Variants in USP7 observed in about 807,000 individuals in gnomAD.
The protein encoded by USP7 is ubiquitin C-terminal hydrolase 7.
USP7 carries 9 observed loss-of-function variants against 162.9 expected under a neutral mutation model. The observed-to-expected ratio is 0.06, with a 90% CI of 0.03 to 0.10. The LOEUF (loss-of-function observed/expected upper bound fraction) is 0.10. Among genes scored for constraint, USP7 ranks in the 10% least tolerant of loss-of-function variants. The pLI is 1.00. For missense variants in USP7, 715 were observed against 1,373.7 expected, an observed-to-expected ratio of 0.52 and a Z score of 7.58; for synonymous variants, 562 against 475.9, an observed-to-expected ratio of 1.18 and a Z score of -2.35.
chr16:8,947,550 G>A (rs940968868), intron 1 of USP7, among the ~76,000 whole-genome samples: 1 of 152,166 alleles, frequency 6.6e-6, no homozygotes, highest in South Asian at 2.1e-4. Flanking sequence ...GTTTCACCAT[G>A]TTGCCCAGGC....
intron 1 of USP7, chr16:8,936,680 A>G: frequency 1.3e-6 from 2 of 1,522,756 alleles, no homozygotes; most frequent in Non-Finnish European, 1.8e-6. Context: ...CATCAGAGTG[A>G]CTGCATAGAA....
intron 2 of USP7, 39 bp downstream of exon 2, chr16:8,930,254 T>C: frequency 2.6e-6 from 4 of 1,528,566 alleles, no homozygotes; most frequent in Non-Finnish European, 3.6e-6. Flanking sequence ...TTCTGACAAG[T>C]TTCCGCCCAC....
Position 8,915,361 on chromosome 16 carries a change from TAA to T in USP7, c.988-19_988-18del. On this transcript the variant is annotated intron_variant, in intron 9 of 30. Transcript: ENST00000344836. The stretch of plus-strand genomic sequence containing the variant: ...GATATAGGACTGCAAATAAGGAAAG[TAA>T]AAGTGGTTTAACTAGTAATAGTCAA... 6.2e-7 allele frequency: 1 copy of T among 1,613,152 alleles called. No individual in the cohort carries two copies.
chr16:8,942,690 G>A (rs1438420065), intron 1 of USP7, among the ~76,000 whole-genome samples: 1 of 152,108 alleles, frequency 6.6e-6, no homozygotes, highest in Admixed American at 6.6e-5. Flanking sequence ...TGGGACTACA[G>A]GCGCACACCA....
intron 20 of USP7, 168 bp from the exon 21 acceptor site, chr16:8,900,798 A>T: frequency 2.8e-6 from 2 of 718,704 alleles, no homozygotes; most frequent in East Asian, 5.5e-5. Context: ...AATATGTAAC[A>T]ATCAGATTTG....
chr16:8,948,229 T>A (rs961799680), intron 1 of USP7, among the ~76,000 whole-genome samples: 2 of 152,200 alleles, frequency 1.3e-5, no homozygotes, highest in African/African-American at 2.4e-5. Flanking sequence ...CAGCCCAGGC[T>A]GGAGAATGAG....
At chr16:8,898,807 C>G in intron 23 of USP7, 168 bp from the exon 24 acceptor site, 1 of 626,948 alleles carries the variant, frequency 1.6e-6, no homozygotes. Flanking sequence ...AAGTCCCACT[C>G]GCTGTCACAC....
At chr16:8,936,794 G>A in intron 1 of USP7, 1 of 1,279,572 alleles carries the variant, frequency 7.8e-7, no homozygotes, top group Non-Finnish European at 1.0e-6. Context: ...ATTTAGATAA[G>A]GCAGTCCAGG....
intron 10 of USP7, among the ~76,000 whole-genome samples, chr16:8,911,398 T>G (rs554831104): frequency 1.3e-5 from 2 of 152,096 alleles, no homozygotes; most frequent in Admixed American, 6.5e-5. Context: ...AAATTAAGAA[T>G]GGTAACATTA....
intron 27 of USP7, 21 bp from the exon 28 acceptor site, chr16:8,895,171 C>CA: frequency 6.2e-7 from 1 of 1,614,158 alleles, no homozygotes; most frequent in Admixed American, 1.7e-5. Flanking sequence ...GGACAACAGA[C>CA]ACAGTTCTGT....
rs531196126 is a variant in USP7, at chr16:8,960,781, A to G, written c.79+2426T>C. On this transcript the variant is annotated intron_variant, in intron 1 of 30. Coordinates refer to ENST00000344836, the MANE Select transcript of USP7 (RefSeq NM_003470.3). ...CTCACTCTTTCGGGTCCTAAGTCAC[A>G]TTCCAATCGTAAGGCTAGTACCACA... Among the ~76,000 whole-genome samples, 120 of 152,326 alleles carry G rather than the reference A, an allele frequency of 7.9e-4. 1 individual carries two copies. The highest frequency in any genetic ancestry group is 2.7e-3 in the African/African-American group (113 of 41,574).
chr16:8,962,220 T>G (rs1900041675), intron 1 of USP7, among the ~76,000 whole-genome samples: 2 of 152,210 alleles, frequency 1.3e-5, no homozygotes, highest in African/African-American at 4.8e-5. Flanking sequence ...GCCGTTTTCA[T>G]TCAGGTGGCC....
intron 20 of USP7, 116 bp downstream of exon 20, chr16:8,900,874 G>T: frequency 9.8e-7 from 1 of 1,019,994 alleles, no homozygotes; most frequent in Non-Finnish European, 1.4e-6. Context: ...ATCATCTGAG[G>T]CCCTGAGTTA....
chr16:8,952,844 T>G (rs1483110300), intron 1 of USP7, among the ~76,000 whole-genome samples: 1 of 151,954 alleles, frequency 6.6e-6, no homozygotes, highest in Non-Finnish European at 1.5e-5. Context: ...CTCGCTTTTT[T>G]TTTTTTAAGA....
rs776880202 is a variant in USP7 at position 8,936,550 on chromosome 16, G to C, written c.80-6153C>G. On this transcript the variant is annotated intron_variant, in intron 1 of 30. Coordinates refer to ENST00000344836, the MANE Select transcript of USP7 (RefSeq NM_003470.3). ...TATTGGTTATCTCCATCCATCACCA[G>C]CATAAGGAGCTCAACCTGAAAACCT... 7 of 1,513,632 alleles carry C rather than the reference G, an allele frequency of 4.6e-6. No individual in the cohort carries two copies. In the Admixed American group the frequency reaches 1.5e-4, roughly 33 times the overall value. The allele number at this position is 1,513,632 out of a possible 1,614,324, so 93.8% of individuals were successfully genotyped here. A position where few individuals can be genotyped will look rare whatever the true frequency, so the allele number is the denominator to read the frequency against.
chr16:8,947,594 C>T (rs118147217), intron 1 of USP7, among the ~76,000 whole-genome samples: 5 of 152,186 alleles, frequency 3.3e-5, no homozygotes, highest in East Asian at 1.9e-4. Context: ...GTGATCCACC[C>T]GCTTCAGCCT....
intron 2 of USP7, chr16:8,929,321 C>T (rs1010389399): frequency 2.8e-5 from 10 of 361,672 alleles, no homozygotes; most frequent in African/African-American, 1.3e-4. Flanking sequence ...CGGTGGAAAG[C>T]GCACTCCACA....
rs185297305 is a variant in USP7, at chr16:8,909,775, A to G, written c.1161+970T>C. On this transcript the variant is annotated intron_variant, in intron 11 of 30. Coordinates refer to ENST00000344836, the MANE Select transcript of USP7 (RefSeq NM_003470.3). ...ACCCCATCTCTACTAAAAATACAAA[A>G]ATTAGTTGGGCATAGTGGCGGGCGC... Among the ~76,000 whole-genome samples, 693 of 152,224 alleles carry G rather than the reference A, an allele frequency of 4.6e-3. 5 individuals are homozygous for G. The highest frequency in any genetic ancestry group is 0.015 in the African/African-American group (624 of 41,522).
intron 1 of USP7, among the ~76,000 whole-genome samples, chr16:8,951,350 C>T (rs1293412564): frequency 7.9e-5 from 1 of 12,586 alleles, no homozygotes; most frequent in African/African-American, 2.0e-4. Flanking sequence ...CCCAGTTTTC[C>T]TTCCACCTTG....
Sources: allele counts gnomAD v4.1 joint callset (sites outside exome capture counted in the v4.1 genomes callset), GRCh38; gene constraint gnomAD v4.1.1; transcripts MANE v1.5; gene names NCBI Gene and HGNC (gene_info 2026-07-23, HGNC 2026-07-21).